Variants in CATSPERE observed in about 807,000 individuals in gnomAD.
The protein encoded by CATSPERE is catsper channel auxiliary subunit epsilon.
A neutral mutation model predicts 114.1 loss-of-function variants in CATSPERE; 93 were observed. The observed-to-expected ratio is 0.81, with a 90% CI of 0.69 to 0.97. The LOEUF is 0.97. Among genes scored for constraint, CATSPERE ranks in the 50% least tolerant of loss-of-function variants. The pLI is 0.00. For synonymous variants in CATSPERE, 341 were observed against 384.1 expected (o/e 0.89, Z 1.31); for missense variants, 1,058 against 1,131.6 (o/e 0.93, Z 0.93).
intron 8 of CATSPERE, among the ~76,000 whole-genome samples, chr1:244,528,647 T>C (rs1322584591): frequency 6.6e-6 from 1 of 152,172 alleles, no homozygotes; most frequent in African/African-American, 2.4e-5. Context: ...TACAGTCTAA[T>C]TATACTCTTT....
intron 9 of CATSPERE, among the ~76,000 whole-genome samples, chr1:244,553,602 TAC>T (rs67626437): frequency 0.11 from 9,952 of 91,860 alleles, 456 homozygotes; most frequent in South Asian, 0.15. Context: ...AAAAAAAAAA[TAC>T]ACACACACAC....
In CATSPERE at chr1:244,551,950, G is replaced by A. The variant is rs538958033; in HGVS notation, c.537-372G>A. ...GTGGTGGTGGGTGCCTGTAATCCCA[G>A]CTACTCAGGAGGTTGAGGCAGGAGA... On this transcript the variant is annotated intron_variant, in intron 8 of 21. Coordinates refer to ENST00000366534, the MANE Select transcript of CATSPERE (RefSeq NM_001130957.2). Among the ~76,000 whole-genome samples, 4 of 148,680 alleles carry A rather than the reference G, an allele frequency of 2.7e-5. No homozygotes were observed. The East Asian group carries it at 8.1e-4, about 30-fold the overall frequency.
intron 8 of CATSPERE, among the ~76,000 whole-genome samples, chr1:244,534,357 CT>C (rs1373418720): frequency 1.3e-5 from 2 of 152,138 alleles, no homozygotes; most frequent in Non-Finnish European, 2.9e-5. Flanking sequence ...CTTTCTACCC[CT>C]ATCTCTGTCT....
upstream of CATSPERE, among the ~76,000 whole-genome samples, chr1:244,453,159 T>G (rs1665781149): frequency 6.6e-6 from 1 of 152,242 alleles, no homozygotes; most frequent in African/African-American, 2.4e-5. Context: ...TTTGGTCTAT[T>G]GATTAGTAAA....
intron 8 of CATSPERE, among the ~76,000 whole-genome samples, chr1:244,547,781 A>C (rs770749346): frequency 6.6e-6 from 1 of 152,188 alleles, no homozygotes; most frequent in Non-Finnish European, 1.5e-5. Context: ...GATCTATAAA[A>C]CAACTAAAAA....
At chr1:244,564,790 T>C (rs12086838) in intron 10 of CATSPERE, among the ~76,000 whole-genome samples, 28,283 of 152,134 alleles carry the variant, frequency 0.19, 3,807 homozygotes, top group East Asian at 0.41. Flanking sequence ...CTATGTTGAA[T>C]AGGAGTGGTG....
chr1:244,506,975 T>A (rs1376234674), intron 7 of CATSPERE, among the ~76,000 whole-genome samples: 1 of 152,158 alleles, frequency 6.6e-6, no homozygotes, highest in East Asian at 1.9e-4. Flanking sequence ...AATCCACTTT[T>A]TTAGCTCCCA....
Position 244,572,747 on chromosome 1 carries a change from C to T in CATSPERE, c.1925C>T (p.Ala642Val). 13 of 1,597,172 alleles carry T rather than the reference C, an allele frequency of 8.1e-6. No homozygotes were observed. Among genetic ancestry groups the T allele is most frequent in the Non-Finnish European group, 1.1e-5 (13 of 1,173,320 alleles). The change falls in exon 11 of 22, where the codon GCC (alanine) becomes GTC (valine). Residue 642 changes from alanine (A) to valine (V), a missense_variant. Physicochemically the swap from Ala to Val is moderately conservative, Grantham distance 64. This residue lies in a region of CATSPERE where 787 missense variants were observed against 905.6 expected (regional missense o/e 0.87). Coordinates refer to ENST00000366534, the MANE Select transcript of CATSPERE (RefSeq NM_001130957.2). ...AGTCATGAGATTTCCTTTGAAGCTG[C>T]CTTTGGATACTGCACCAAAACTCTG... ...QESHEISFEAAFGYCTKTLTL... is the reference protein window; with the variant it reads ...QESHEISFEAVFGYCTKTLTL...
At chr1:244,506,318 C>T (rs955040221) in intron 7 of CATSPERE, among the ~76,000 whole-genome samples, 4 of 152,170 alleles carry the variant, frequency 2.6e-5, no homozygotes, top group Non-Finnish European at 4.4e-5. Context: ...GGGTTGCTTC[C>T]ACCTTTTGGC....
chr1:244,594,071 A>G (rs1668064644), intron 17 of CATSPERE, among the ~76,000 whole-genome samples: 1 of 152,240 alleles, frequency 6.6e-6, no homozygotes, highest in Admixed American at 6.5e-5. Flanking sequence ...CTGTAATCCC[A>G]GTGCTTTGGG....
At chr1:244,538,761 C>T (rs1020711199) in intron 8 of CATSPERE, among the ~76,000 whole-genome samples, 2 of 152,124 alleles carry the variant, frequency 1.3e-5, no homozygotes, top group African/African-American at 4.8e-5. Flanking sequence ...ATTCTGGGAC[C>T]CTTCACAGGA....
chr1:244,494,932 G>A (rs1672860523), intron 6 of CATSPERE, among the ~76,000 whole-genome samples: 1 of 152,038 alleles, frequency 6.6e-6, no homozygotes, highest in Non-Finnish European at 1.5e-5. Flanking sequence ...ATGCTCAAAA[G>A]CAAATAATAA....
At chr1:244,579,307 A>G (rs190081819) in intron 11 of CATSPERE, among the ~76,000 whole-genome samples, 5 of 152,192 alleles carry the variant, frequency 3.3e-5, no homozygotes, top group Admixed American at 2.6e-4. Context: ...ATTTCTCTCA[A>G]CTGCAAATGG....
At chr1:244,481,996 G>A (rs1209585901) in intron 5 of CATSPERE, among the ~76,000 whole-genome samples, 1 of 152,168 alleles carries the variant, frequency 6.6e-6, no homozygotes, top group East Asian at 1.9e-4. Context: ...AAAGAAGTGG[G>A]CCTCCAGGCT....
Position 244,463,392 on chromosome 1 carries a change from T to C in CATSPERE, c.66-516T>C, listed in dbSNP as rs537144754. ...TGTCTTTACTAAAAAATACAAAAAT[T>C]AGCTGGGCGTGGTGGCATGCGCCTG... is the stretch of plus-strand genomic sequence containing the variant. On this transcript the variant is annotated intron_variant, in intron 1 of 21. Transcript: ENST00000366534. 3.0e-3 allele frequency among the ~76,000 whole-genome samples: 450 copies of C among 152,006 alleles called. 5 individuals are homozygous for C. The highest frequency in any genetic ancestry group is 0.01 in the African/African-American group (420 of 41,434).
chr1:244,476,556 A>G (rs1036397125), intron 2 of CATSPERE, among the ~76,000 whole-genome samples: 11 of 152,226 alleles, frequency 7.2e-5, no homozygotes, highest in Non-Finnish European at 1.5e-4. Context: ...ATCCTATAAT[A>G]TCAAATCTAT....
chr1:244,639,662 G>C (rs1040474597), intron 21 of CATSPERE, among the ~76,000 whole-genome samples: 6 of 142,984 alleles, frequency 4.2e-5, no homozygotes, highest in Non-Finnish European at 7.6e-5. Flanking sequence ...CTGGGTGACA[G>C]AGGGAGACTC....
intron 8 of CATSPERE, among the ~76,000 whole-genome samples, chr1:244,550,951 A>G (rs1660517427): frequency 6.6e-6 from 1 of 152,232 alleles, no homozygotes. Flanking sequence ...AAATTACTCC[A>G]TGTTCCCACT....
At chr1:244,470,810 A>G (rs1217164822) in intron 2 of CATSPERE, among the ~76,000 whole-genome samples, 1 of 152,272 alleles carries the variant, frequency 6.6e-6, no homozygotes, top group Non-Finnish European at 1.5e-5. Flanking sequence ...GTATGTTTAT[A>G]TAATGGAACA....
Sources: gnomAD v4.1 joint callset for allele counts (sites outside exome capture counted in the v4.1 genomes callset) on GRCh38, gnomAD v4.1.1 for gene constraint, gnomAD v4.1.1 regional missense constraint, MANE v1.5 for transcripts, NCBI Gene and HGNC (gene_info 2026-07-23, HGNC 2026-07-21) for gene names.